The following YPEL1 variants were observed in gnomAD, a reference collection of about 807,000 sequenced individuals.
YPEL1 encodes the protein protein yippee-like 1.
YPEL1 carries 7 observed loss-of-function variants against 17.3 expected under a neutral mutation model. The ratio of observed to expected loss-of-function variants is 0.40; its 90% CI spans 0.23 to 0.76. The LOEUF is 0.76. Among genes scored for constraint, YPEL1 ranks in the 30% least tolerant of loss-of-function variants. The probability of loss-of-function intolerance (pLI) is 0.35; values close to 1 mark genes in which losing one functional copy is unlikely to be tolerated. For synonymous variants in YPEL1, 59 were observed against 59.6 expected (o/e 0.99, Z 0.05); for missense variants, 91 against 155.5 (o/e 0.59, Z 2.21).
At chr22:21,718,100 A>C (rs2068244897) in intron 1 of YPEL1, among the ~76,000 whole-genome samples, 1 of 147,988 alleles carries the variant, frequency 6.8e-6, no homozygotes, top group South Asian at 2.2e-4. Context: ...CACTGGACTT[A>C]GCCTAGGTAA....
intron 2 of YPEL1, chr22:21,710,419 G>A (rs2068152975): frequency 1.1e-5 from 6 of 570,508 alleles, no homozygotes; most frequent in South Asian, 4.4e-5. Context: ...CTGGAAAACC[G>A]CCCACCATGC....
At position 21,703,252 on chromosome 22, in the gene YPEL1, G is replaced by T. The variant is rs1325791744; in HGVS notation, c.270+118C>A. 1.2e-6 allele frequency: 1 copy of T among 855,316 alleles called. No individual in the cohort carries two copies. Among genetic ancestry groups the T allele is most frequent in the Non-Finnish European group, 1.9e-6 (1 of 526,860 alleles). 53.0% of individuals were successfully genotyped at this position (855,316 alleles called of 1,614,324 possible). A position where few individuals can be genotyped will look rare whatever the true frequency, so the allele number is the denominator to read the frequency against. ...GACTTCCCACCTCGGCTGAGGAACT[G>T]GGGTTTCTGAAAGTGCTGTGACTGG... On this transcript the variant is annotated intron_variant, in intron 4 of 4. Coordinates refer to ENST00000339468, the MANE Select transcript of YPEL1 (RefSeq NM_013313.5). This position sits in a 1 kb window ranked among gnomAD's most constrained non-coding sequence, Gnocchi z 6.1.
At chr22:21,721,719 CG>C (rs2068285871) in intron 1 of YPEL1, among the ~76,000 whole-genome samples, 1 of 152,148 alleles carries the variant, frequency 6.6e-6, no homozygotes, top group Admixed American at 6.6e-5. Flanking sequence ...CCACTGTGCC[CG>C]GCCCAACATT....
chr22:21,712,038 G>A (rs574039479), intron 1 of YPEL1, among the ~76,000 whole-genome samples: 29 of 152,020 alleles, frequency 1.9e-4, no homozygotes, highest in African/African-American at 5.8e-4. Context: ...AGCTGGGTGT[G>A]GTCCCTGTGC....
At position 21,699,394 on chromosome 22, in the gene YPEL1, T is replaced by C. The variant is rs1182643794; in HGVS notation, c.*1735A>G. 5 of 152,522 alleles carry C rather than the reference T, an allele frequency of 3.3e-5. No individual in the cohort carries two copies. Among genetic ancestry groups the C allele is most frequent in the African/African-American group, 9.6e-5 (4 of 41,458 alleles). The allele number at this position is 152,522 out of a possible 1,614,324, so 9.4% of individuals were successfully genotyped here. On this transcript the variant is annotated 3_prime_UTR_variant, in exon 5 of 5. Transcript: ENST00000339468. ...TACTAAATGTTGAAAACCAAACTTA[T>C]CTGGGAGTGGTTTTTGACCTCCATC...
chr22:21,709,674 CACA>C (rs2068146274), intron 2 of YPEL1, among the ~76,000 whole-genome samples: 1 of 152,226 alleles, frequency 6.6e-6, no homozygotes, highest in South Asian at 2.1e-4. Flanking sequence ...TTCTGAAAGG[CACA>C]ACTTCCTGAC....
At position 21,703,724 on chromosome 22, in the gene YPEL1, G is replaced by A; in HGVS notation, c.161+115C>T. 1.7e-6 allele frequency: 2 copies of A among 1,207,012 alleles called. No individual in the cohort carries two copies. Among genetic ancestry groups the A allele is most frequent in the African/African-American group, 3.1e-5 (2 of 65,162 alleles). 74.8% of individuals were successfully genotyped at this position (1,207,012 alleles called of 1,614,324 possible). On this transcript the variant is annotated intron_variant, in intron 3 of 4. Coordinates refer to ENST00000339468, the MANE Select transcript of YPEL1 (RefSeq NM_013313.5). The surrounding 1 kb of genome is among the most constrained non-coding windows in gnomAD (Gnocchi z 6.1). ...AGAAACTCCCGGCGGGGGGATGGTGGGTTCTTTCAGGACCCCTAAAGACCC... is the reference window on the plus strand; with the variant it reads ...AGAAACTCCCGGCGGGGGGATGGTGAGTTCTTTCAGGACCCCTAAAGACCC...
At chr22:21,707,947 GAGTTTGCT>G (rs1489226638) in intron 2 of YPEL1, among the ~76,000 whole-genome samples, 1 of 152,192 alleles carries the variant, frequency 6.6e-6, no homozygotes, top group African/African-American at 2.4e-5. Context: ...CCACAGATCA[GAGTTTGCT>G]AACTAAATGG....
chr22:21,715,963 T>C (rs2068219752), intron 1 of YPEL1, among the ~76,000 whole-genome samples: 1 of 152,170 alleles, frequency 6.6e-6, no homozygotes, highest in Admixed American at 6.5e-5. Flanking sequence ...GGTTTCTCCA[T>C]GTTGGTCAGG....
intron 2 of YPEL1, among the ~76,000 whole-genome samples, chr22:21,709,777 G>C (rs540868875): frequency 3.3e-5 from 5 of 151,954 alleles, no homozygotes; most frequent in African/African-American, 1.2e-4. Context: ...GTGAGGATGG[G>C]GGGAGGTCAT....
rs753527608 is a variant in YPEL1 at position 21,703,812 on chromosome 22, C to T, written c.161+27G>A. The stretch of plus-strand genomic sequence containing the variant: ...AGGCCGTCCCAGGGCCCGTGCCGCT[C>T]CCCCCGGGCTGAACCAGGGTACTCA... On this transcript the variant is annotated intron_variant, in intron 3 of 4. Coordinates refer to ENST00000339468, the MANE Select transcript of YPEL1 (RefSeq NM_013313.5). The surrounding 1 kb of genome is among the most constrained non-coding windows in gnomAD (Gnocchi z 6.1). The T allele has an allele frequency of 6.2e-7, 1 of 1,604,884 alleles. No individual in the cohort carries two copies. The highest frequency in any genetic ancestry group is 8.5e-7 in the Non-Finnish European group (1 of 1,175,568).
chr22:21,725,481 G>A (rs924757681), intron 1 of YPEL1, among the ~76,000 whole-genome samples: 12 of 151,448 alleles, frequency 7.9e-5, no homozygotes, highest in South Asian at 2.1e-4. Flanking sequence ...CGCCTGCCTC[G>A]GCCTCCCAAA....
chr22:21,710,710 G>T lies in YPEL1; in HGVS notation c.35C>A (p.Ala12Glu). ...VKMTKSKTFQ[A>E]YLPNCHRTYS... is the part of the protein sequence containing the mutation. ...CGTTCGGTGACAGTTCGGCAGATAC[G>T]CTTGGAAAGTTTTGGACTTTGTCAT... The change falls in exon 2 of 5, where the codon GCG (alanine) becomes GAG (glutamate). Residue 12 changes from alanine to glutamate, a missense_variant. Transcript: ENST00000339468. 1 of 1,614,198 alleles carries T rather than the reference G, an allele frequency of 6.2e-7. No individual in the cohort carries two copies. Among genetic ancestry groups the T allele is most frequent in the Non-Finnish European group, 8.5e-7 (1 of 1,180,038 alleles).
At position 21,703,466 on chromosome 22, in the gene YPEL1, G is replaced by A; in HGVS notation, c.174C>T (p.Gly58=). 1 of 1,610,026 alleles carries A rather than the reference G, an allele frequency of 6.2e-7. No individual in the cohort carries two copies. Among genetic ancestry groups the A allele is most frequent in the South Asian group, 1.1e-5 (1 of 91,086 alleles). ...GGACCCTCTCCTCTGCAGGGCCGCA[G>A]CCCACGTTCACCCTGCGGGGACAGA... ...AYLFNSVVNV[G]CGPAEERVLL... is the part of the protein sequence containing the mutation. The change falls in exon 4 of 5, where the codon GGC becomes GGT. Residue 58 remains glycine, a synonymous_variant. Transcript: ENST00000339468. The surrounding 1 kb of genome is among the most constrained non-coding windows in gnomAD (Gnocchi z 6.1).
intron 2 of YPEL1, 147 bp downstream of exon 2, chr22:21,710,481 G>C (rs2068153612): frequency 1.4e-6 from 1 of 732,352 alleles, no homozygotes; most frequent in Non-Finnish European, 2.4e-6. Flanking sequence ...TGCACAAAAC[G>C]CTCACCAATG....
intron 1 of YPEL1, among the ~76,000 whole-genome samples, chr22:21,724,135 A>G (rs2068310173): frequency 6.6e-6 from 1 of 152,218 alleles, no homozygotes; most frequent in African/African-American, 2.4e-5. Context: ...GGGACAGCAC[A>G]GCAGCAGTTC....
rs2068051679 is a variant in YPEL1, at chr22:21,700,248, G to A, written c.*881C>T. The A allele has an allele frequency of 6.6e-6, 1 of 152,420 alleles. No individual in the cohort carries two copies. The highest frequency in any genetic ancestry group is 2.4e-5 in the African/African-American group (1 of 41,576). 9.4% of individuals were successfully genotyped at this position (152,420 alleles called of 1,614,324 possible). A position where few individuals can be genotyped will look rare whatever the true frequency, so the allele number is the denominator to read the frequency against. On this transcript the variant is annotated 3_prime_UTR_variant, in exon 5 of 5. Transcript: ENST00000339468. ...GCTACAATACCTTTTCTCTAAAAAA[G>A]GGAATGGTGAGACTTGCTATCTAAA...
chr22:21,703,390 T>A lies in YPEL1; in HGVS notation c.250A>T (p.Thr84Ser). 6.2e-7 allele frequency: 1 copy of A among 1,613,582 alleles called. No individual in the cohort carries two copies. Among genetic ancestry groups the A allele is most frequent in the Non-Finnish European group, 8.5e-7 (1 of 1,179,984 alleles). Reference sequence around the variant, plus strand: ...CTCACGTATTTCCACCCGAGCGTGGTCTTGCAGTTCTCGCAGTAGATGTCG... The same window carrying A: ...CTCACGTATTTCCACCCGAGCGTGGACTTGCAGTTCTCGCAGTAGATGTCG... Reference protein sequence around the residue: ...VADIYCENCKTTLGWKYEHAF... With the variant: ...VADIYCENCKSTLGWKYEHAF... The change falls in exon 4 of 5, where the codon ACC becomes TCC. Residue 84 changes from threonine to serine, a missense_variant. Physicochemically the swap from Thr to Ser is moderately conservative, Grantham distance 58 (BLOSUM62 1). Coordinates refer to ENST00000339468, the MANE Select transcript of YPEL1 (RefSeq NM_013313.5). This position sits in a 1 kb window ranked among gnomAD's most constrained non-coding sequence, Gnocchi z 6.1.
At chr22:21,701,341 G>A (rs750254575) in intron 4 of YPEL1, 123 bp from the exon 5 acceptor site, 19 of 664,690 alleles carry the variant, frequency 2.9e-5, no homozygotes, top group Middle Eastern at 8.2e-4. Flanking sequence ...TTCCCTGAGC[G>A]GTGCACTCAT....
Sources: gnomAD v4.1 joint callset for allele counts (sites outside exome capture counted in the v4.1 genomes callset) on GRCh38, gnomAD v4.1.1 for gene constraint, Gnocchi (gnomAD v3.1) non-coding constraint, MANE v1.5 for transcripts, NCBI Gene and HGNC (gene_info 2026-07-23, HGNC 2026-07-21) for gene names.